Variants in KIAA1217 observed in about 807,000 individuals in gnomAD.
KIAA1217 encodes the protein sickle tail protein homolog.
KIAA1217 carries 88 observed loss-of-function variants against 163.9 expected under a neutral mutation model. The observed-to-expected ratio is 0.54, with a 90% CI of 0.45 to 0.64. The LOEUF is 0.64. KIAA1217 is among the 30% of genes least tolerant of loss of function. KIAA1217 has a pLI of 0.00. For synonymous variants in KIAA1217, 903 were observed against 923.1 expected (o/e 0.98, Z 0.39); for missense variants, 2,372 against 2,475.0 (o/e 0.96, Z 0.88).
intron 3 of KIAA1217, among the ~76,000 whole-genome samples, chr10:24,428,620 T>A (rs934263302): frequency 6.6e-6 from 1 of 152,164 alleles, no homozygotes; most frequent in African/African-American, 2.4e-5. Flanking sequence ...TTTCAATGAC[T>A]AATAAATCAT....
chr10:24,539,387 C>A (rs1203196826), intron 17 of KIAA1217, among the ~76,000 whole-genome samples: 1 of 152,080 alleles, frequency 6.6e-6, no homozygotes, highest in Non-Finnish European at 1.5e-5. Context: ...CACCACCACA[C>A]CCGGCTAATT....
chr10:24,232,476 A>T (rs1012377419), intron 2 of KIAA1217, among the ~76,000 whole-genome samples: 3 of 152,158 alleles, frequency 2.0e-5, no homozygotes, highest in Non-Finnish European at 4.4e-5. Context: ...AAAACCTGCT[A>T]AGGAGTGCCC....
At chr10:24,208,420 G>C (rs996820976), upstream of KIAA1217, among the ~76,000 whole-genome samples, 24 of 151,490 alleles carry the variant, frequency 1.6e-4, no homozygotes, top group African/African-American at 5.6e-4. Context: ...TTGGGGGAGG[G>C]AGGAGTCTGA....
At chr10:24,331,057 C>T (rs561235371) in intron 2 of KIAA1217, among the ~76,000 whole-genome samples, 2 of 152,244 alleles carry the variant, frequency 1.3e-5, no homozygotes, top group East Asian at 3.9e-4. Context: ...AATCCTCCCA[C>T]CTCGGTCTCC....
intron 9 of KIAA1217, among the ~76,000 whole-genome samples, chr10:24,502,421 T>A (rs1398338356): frequency 6.6e-6 from 1 of 152,050 alleles, no homozygotes; most frequent in Non-Finnish European, 1.5e-5. Context: ...TTTCCATTGT[T>A]AAGGAATATA....
chr10:23,859,417 GA>G (rs1564484298), intron 1 of KIAA1217, among the ~76,000 whole-genome samples: 1 of 152,210 alleles, frequency 6.6e-6, no homozygotes. Flanking sequence ...TGTCATTGTT[GA>G]TTGGTTGATT....
chr10:23,843,572 T>C (rs913869084), intron 1 of KIAA1217, among the ~76,000 whole-genome samples: 2 of 152,142 alleles, frequency 1.3e-5, no homozygotes, highest in African/African-American at 4.8e-5. Flanking sequence ...TCCCTCCAGA[T>C]CCACTCTGTC....
chr10:24,296,542 A>G (rs763574559), intron 2 of KIAA1217, among the ~76,000 whole-genome samples: 5 of 142,218 alleles, frequency 3.5e-5, no homozygotes, highest in Non-Finnish European at 7.4e-5. Flanking sequence ...TAATGAATAA[A>G]TCACATTAAA....
At chr10:24,438,617 T>C in intron 5 of KIAA1217, 138 bp downstream of exon 5, 2 of 598,732 alleles carry the variant, frequency 3.3e-6, no homozygotes, top group Admixed American at 2.9e-5. Flanking sequence ...AGTGGATCAT[T>C]ATTTGTTCTT....
intron 2 of KIAA1217, among the ~76,000 whole-genome samples, chr10:24,090,585 A>C (rs940597299): frequency 2.4e-4 from 37 of 151,444 alleles, no homozygotes; most frequent in African/African-American, 8.1e-4. Context: ...AGTTTTTCTC[A>C]AAGAGCATTT....
chr10:24,057,465 ACT>A (rs943646284), intron 2 of KIAA1217, among the ~76,000 whole-genome samples: 3 of 151,900 alleles, frequency 2.0e-5, no homozygotes, highest in Non-Finnish European at 4.4e-5. Flanking sequence ...CCAGAATTCT[ACT>A]CTCTGTTTTA....
chr10:23,967,321 T>C (rs540322358), intron 1 of KIAA1217, among the ~76,000 whole-genome samples: 27 of 152,016 alleles, frequency 1.8e-4, no homozygotes, highest in Non-Finnish European at 3.1e-4. Flanking sequence ...AATAAGAAGA[T>C]GGTATGAGGT....
intron 5 of KIAA1217, among the ~76,000 whole-genome samples, chr10:24,443,389 C>A (rs78507689): frequency 1.3e-5 from 2 of 152,112 alleles, no homozygotes; most frequent in Non-Finnish European, 2.9e-5. Flanking sequence ...CCTTCATTAT[C>A]TCTCTACTGA....
chr10:24,413,996 A>G (rs967002964), intron 3 of KIAA1217, among the ~76,000 whole-genome samples: 2 of 152,224 alleles, frequency 1.3e-5, no homozygotes, highest in African/African-American at 4.8e-5. Context: ...ACTGAGGTAC[A>G]TGGTGGTATT....
At chr10:24,207,634 C>T (rs531058420), upstream of KIAA1217, among the ~76,000 whole-genome samples, 7 of 152,272 alleles carry the variant, frequency 4.6e-5, no homozygotes, top group South Asian at 1.2e-3. Context: ...TTCAGGCTGC[C>T]GAGGCACTGC....
intron 1 of KIAA1217, among the ~76,000 whole-genome samples, chr10:23,843,158 A>G (rs1433631237): frequency 1.3e-5 from 2 of 152,178 alleles, no homozygotes; most frequent in African/African-American, 2.4e-5. Context: ...GATTTAGTCT[A>G]TCTTACTATG....
At chr10:24,212,149 C>A (rs541033532) in intron 1 of KIAA1217, among the ~76,000 whole-genome samples, 1 of 151,756 alleles carries the variant, frequency 6.6e-6, no homozygotes, top group East Asian at 1.9e-4. Flanking sequence ...AAAAGACAAA[C>A]AAGACAAGAC....
intron 1 of KIAA1217, among the ~76,000 whole-genome samples, chr10:23,702,379 T>A (rs945571040): frequency 6.6e-6 from 1 of 152,148 alleles, no homozygotes; most frequent in Non-Finnish European, 1.5e-5. Context: ...ACACATTTTA[T>A]TCTGAACACT....
At chr10:23,784,284 T>G (rs933810902) in intron 1 of KIAA1217, among the ~76,000 whole-genome samples, 22 of 152,182 alleles carry the variant, frequency 1.4e-4, no homozygotes, top group Admixed American at 7.2e-4. Context: ...ATATTTTTTG[T>G]TAGGAATTTT....
Sources: gnomAD v4.1 joint callset for allele counts (sites outside exome capture counted in the v4.1 genomes callset) on GRCh38, gnomAD v4.1.1 for gene constraint, MANE v1.5 for transcripts, NCBI Gene and HGNC (gene_info 2026-07-23, HGNC 2026-07-21) for gene names.